PCDHA8: variants seen among roughly 807,000 people sequenced by gnomAD.
PCDHA8 encodes the protein protocadherin alpha-8.
In PCDHA8, 53 loss-of-function variants were observed where a neutral mutation model predicts 61.8. The ratio of observed to expected loss-of-function variants is 0.86; its 90% CI spans 0.69 to 1.08. The LOEUF (loss-of-function observed/expected upper bound fraction) is 1.08. PCDHA8 is among the 50% of genes least tolerant of loss of function. PCDHA8 has a pLI of 0.00. For synonymous variants in PCDHA8, 618 were observed against 556.6 expected (o/e 1.11, Z -1.55); for missense variants, 1,293 against 1,245.0 (o/e 1.04, Z -0.58).
rs781892034 is a variant in PCDHA8, at chr5:140,968,314, G to A, written c.2395-10635G>A. ...TTCTGGAGAGGGAGATTCAAGGGCT[G>A]CCAGTCACCTCCTATGTCTCCATTA... On this transcript the variant is annotated intron_variant, in intron 1 of 3. Transcript: ENST00000531613. The A allele has an allele frequency of 2.5e-6, 4 of 1,613,960 alleles. No individual in the cohort carries two copies. The South Asian group carries it at 4.4e-5, about 18-fold the overall frequency.
chr5:140,869,485 G>T (rs782005031), intron 1 of PCDHA8: 8 of 1,614,158 alleles, frequency 5.0e-6, no homozygotes, highest in Non-Finnish European at 6.8e-6. Flanking sequence ...GGACATTAAC[G>T]ACAACCCGCC....
intron 1 of PCDHA8, among the ~76,000 whole-genome samples, chr5:140,936,540 G>A (rs1320380132): frequency 6.6e-6 from 1 of 152,174 alleles, no homozygotes; most frequent in East Asian, 1.9e-4. Context: ...TGAATATAGT[G>A]CAATGTAGAA....
At chr5:141,003,814 G>A (rs2098139841) in intron 3 of PCDHA8, among the ~76,000 whole-genome samples, 1 of 152,088 alleles carries the variant, frequency 6.6e-6, no homozygotes, top group Admixed American at 6.6e-5. Context: ...CTGTAGTCTG[G>A]GAAGGGCTCT....
At chr5:140,984,693 A>G (rs1587034361) in intron 3 of PCDHA8, among the ~76,000 whole-genome samples, 1 of 152,264 alleles carries the variant, frequency 6.6e-6, no homozygotes, top group East Asian at 1.9e-4. Flanking sequence ...TATGTTCTGC[A>G]CTGCTTGGAG....
intron 1 of PCDHA8, among the ~76,000 whole-genome samples, chr5:140,924,166 T>C (rs1409712075): frequency 6.6e-6 from 1 of 152,232 alleles, no homozygotes; most frequent in African/African-American, 2.4e-5. Flanking sequence ...TCCTAATCTC[T>C]GGCACTGAAG....
chr5:140,871,106 T>C (rs1554165125), intron 1 of PCDHA8: 1 of 1,613,128 alleles, frequency 6.2e-7, no homozygotes, highest in African/African-American at 1.3e-5. Context: ...CTGGTGTCGT[T>C]GGTGGAGAGC....
At chr5:140,849,336 T>G in intron 1 of PCDHA8, 8 of 1,396,714 alleles carry the variant, frequency 5.7e-6, no homozygotes, top group Non-Finnish European at 6.9e-6. Context: ...TATTTACTCC[T>G]TCTCCAGTGA....
rs2054438060 is a variant in PCDHA8 at position 140,873,702 on chromosome 5, C to T, written c.2394+29987C>T. 9.2e-5 allele frequency among the ~76,000 whole-genome samples: 14 copies of T among 152,214 alleles called. No individual in the cohort carries two copies. In the South Asian group the frequency reaches 2.9e-3, roughly 32 times the overall value. ...TTGAGATAGAGTCTTGCTCTATCAC[C>T]CAGGCTGGTGTGCAGTGGCGCAATC... On this transcript the variant is annotated intron_variant, in intron 1 of 3. Transcript: ENST00000531613.
chr5:140,917,323 G>C (rs1363512198), intron 1 of PCDHA8, among the ~76,000 whole-genome samples: 1 of 147,758 alleles, frequency 6.8e-6, no homozygotes, highest in African/African-American at 2.5e-5. Context: ...TGTTCATGTG[G>C]CGGGGGAGGG....
At chr5:140,876,775 C>A (rs373638459) in intron 1 of PCDHA8, 3 of 1,614,130 alleles carry the variant, frequency 1.9e-6, no homozygotes, top group Non-Finnish European at 1.7e-6. Flanking sequence ...CTCGCCTTCG[C>A]TGTGGGCCAC....
At chr5:140,869,233 T>C in intron 1 of PCDHA8, 1 of 1,613,700 alleles carries the variant, frequency 6.2e-7, no homozygotes, top group Non-Finnish European at 8.5e-7. Context: ...ACACGGCACC[T>C]TCGTGGGCCG....
intron 3 of PCDHA8, among the ~76,000 whole-genome samples, chr5:141,005,280 C>T (rs2098203817): frequency 6.6e-6 from 1 of 152,180 alleles, no homozygotes; most frequent in Non-Finnish European, 1.5e-5. Context: ...GGTGAATAAA[C>T]AGATACATTT....
Position 140,961,969 on chromosome 5 carries a change from C to A in PCDHA8, c.2395-16980C>A, listed in dbSNP as rs188846719. ...CATGATCTCGGCTCACTGCAACCTCCGCCTCCTGGGTTCACGCCATTGTCC... is the reference window on the plus strand; with the variant it reads ...CATGATCTCGGCTCACTGCAACCTCAGCCTCCTGGGTTCACGCCATTGTCC... On this transcript the variant is annotated intron_variant, in intron 1 of 3. Transcript: ENST00000531613. 8.7e-4 allele frequency among the ~76,000 whole-genome samples: 132 copies of A among 151,904 alleles called. 1 individual carries two copies. Among genetic ancestry groups the A allele is most frequent in the African/African-American group, 3.0e-3 (126 of 41,408 alleles).
intron 1 of PCDHA8, among the ~76,000 whole-genome samples, chr5:140,910,210 G>A (rs987095100): frequency 6.6e-6 from 1 of 152,120 alleles, no homozygotes; most frequent in Non-Finnish European, 1.5e-5. Context: ...ACTTGACCTG[G>A]AAGTTTTCTG....
intron 1 of PCDHA8, chr5:140,882,064 C>G (rs1277765660): frequency 1.1e-5 from 9 of 831,034 alleles, no homozygotes; most frequent in Non-Finnish European, 1.6e-5. Context: ...CTTACACGTT[C>G]ATGCGCATGG....
chr5:140,952,709 T>C (rs2094784758), intron 1 of PCDHA8, among the ~76,000 whole-genome samples: 1 of 152,208 alleles, frequency 6.6e-6, no homozygotes, highest in Non-Finnish European at 1.5e-5. Flanking sequence ...CCACTCTCAG[T>C]ATCAATTTTC....
intron 1 of PCDHA8, chr5:140,856,710 T>A: frequency 6.3e-7 from 1 of 1,596,610 alleles, no homozygotes; most frequent in Non-Finnish European, 8.6e-7. Context: ...AAACCTGAAT[T>A]TACCGGATCT....
chr5:140,857,703 T>C (rs782327503), intron 1 of PCDHA8: 6 of 1,597,222 alleles, frequency 3.8e-6, no homozygotes, highest in Middle Eastern at 1.8e-4. Flanking sequence ...ACGCTGCAGG[T>C]GTTCGTGCTG....
intron 3 of PCDHA8, among the ~76,000 whole-genome samples, chr5:140,986,316 C>T (rs1407067646): frequency 2.0e-5 from 3 of 152,146 alleles, no homozygotes; most frequent in African/African-American, 7.2e-5. Context: ...TTAGCTAAAT[C>T]AGGAATGCAG....
Sources: allele counts gnomAD v4.1 joint callset (sites outside exome capture counted in the v4.1 genomes callset), GRCh38; gene constraint gnomAD v4.1.1; transcripts MANE v1.5; gene names NCBI Gene and HGNC (gene_info 2026-07-23, HGNC 2026-07-21).